EIF5B: variants seen among roughly 807,000 people sequenced by gnomAD.
EIF5B encodes the protein eukaryotic translation initiation factor 5B, also known as eIF-5B.
EIF5B carries 47 observed loss-of-function variants against 147.5 expected under a neutral mutation model. That is an observed-to-expected ratio of 0.32 (90% CI 0.25 to 0.41). The LOEUF (loss-of-function observed/expected upper bound fraction) is 0.41. EIF5B is among the 10% of genes least tolerant of loss of function. The pLI is 1.00. For missense variants in EIF5B, 1,064 were observed against 1,413.2 expected (o/e 0.75, Z 3.96); for synonymous variants, 455 against 456.2 (o/e 1.00, Z 0.03).
At chr2:99,340,974 G>T (rs766370681) in intron 1 of EIF5B, among the ~76,000 whole-genome samples, 4 of 152,082 alleles carry the variant, frequency 2.6e-5, no homozygotes, top group Non-Finnish European at 5.9e-5. Flanking sequence ...CATGTTGGCT[G>T]CCTGGTTTCA....
intron 1 of EIF5B, among the ~76,000 whole-genome samples, chr2:99,342,119 A>G (rs1340616088): frequency 6.6e-6 from 1 of 152,224 alleles, no homozygotes; most frequent in Admixed American, 6.5e-5. Flanking sequence ...CTGTTTGACC[A>G]TCGTTCATGT....
Position 99,401,030 on chromosome 2 carries a change from T to A in EIF5B, c.*1616T>A, listed in dbSNP as rs766615166. ...ACTTTATAAACAAACATTTTGTAAA[T>A]AGAATCTATGCTACAGTAAAATAAT... On this transcript the variant is annotated 3_prime_UTR_variant, in exon 24 of 24. Transcript: ENST00000289371. 3 of 352,468 alleles carry A rather than the reference T, an allele frequency of 8.5e-6. No homozygotes were observed. Among genetic ancestry groups the A allele is most frequent in the Middle Eastern group, 1.6e-3 (2 of 1,236 alleles). 21.8% of individuals were successfully genotyped at this position (352,468 alleles called of 1,614,324 possible). A position where few individuals can be genotyped will look rare whatever the true frequency, so the allele number is the denominator to read the frequency against.
chr2:99,373,193 C>T (rs997662931), intron 9 of EIF5B, among the ~76,000 whole-genome samples: 4 of 152,184 alleles, frequency 2.6e-5, no homozygotes, highest in Non-Finnish European at 5.9e-5. Flanking sequence ...ATCTTTATGA[C>T]TCTTTTTGTA....
chr2:99,358,440 C>G (rs1398522134), intron 1 of EIF5B, among the ~76,000 whole-genome samples: 1 of 152,172 alleles, frequency 6.6e-6, no homozygotes, highest in East Asian at 1.9e-4. Context: ...GGATTCAAAT[C>G]CCATATCTCC....
Position 99,361,847 on chromosome 2 carries a change from CA to C in EIF5B, c.919+31del. 2.0e-6 allele frequency: 3 copies of C among 1,491,756 alleles called. No homozygotes were observed. The Admixed American group carries it at 7.8e-5, about 39-fold the overall frequency. 92.4% of individuals were successfully genotyped at this position (1,491,756 alleles called of 1,614,324 possible). ...TTGGTTAATACTTTAGAGGAAAGAG[CA>C]AAAGGCTTTTGATTCACAGTATAAG... On this transcript the variant is annotated intron_variant, in intron 4 of 23. Transcript: ENST00000289371.
At position 99,390,292 on chromosome 2, in the gene EIF5B, A is replaced by C; in HGVS notation, c.2477A>C (p.His826Pro). ...TFVSLVPTSAHTGDGMGSLIY... is the reference protein window; with the variant it reads ...TFVSLVPTSAPTGDGMGSLIY... ...GTGTCTTTGGTACCTACCTCTGCAC[A>C]TACTGGTGATGGCATGGGAAGTCTG... The change falls in exon 16 of 24, where the codon CAT (histidine) becomes CCT (proline). Residue 826 changes from histidine (H) to proline (P), a missense_variant. Coordinates refer to ENST00000289371, the MANE Select transcript of EIF5B (RefSeq NM_015904.4). 6.2e-7 allele frequency: 1 copy of C among 1,614,128 alleles called. No individual in the cohort carries two copies. Among genetic ancestry groups the C allele is most frequent in the Non-Finnish European group, 8.5e-7 (1 of 1,180,000 alleles).
At chr2:99,338,955 C>CAT (rs1559240113) in intron 1 of EIF5B, among the ~76,000 whole-genome samples, 2 of 89,354 alleles carry the variant, frequency 2.2e-5, no homozygotes, top group African/African-American at 3.4e-5. Flanking sequence ...TATATACACA[C>CAT]ATATATATAA....
In EIF5B at chr2:99,362,849, T is replaced by TAC. The variant is rs1368386851; in HGVS notation, c.920-794_920-793dup. ...TCTCAGCTCACTGCAACCTCCTCTT[T>TAC]ACAGGTTCGAGTGATTCTCCTGTCT... On this transcript the variant is annotated intron_variant, in intron 4 of 23. Transcript: ENST00000289371. Among the ~76,000 whole-genome samples the TAC allele has an allele frequency of 3.9e-5, 6 of 151,922 alleles. No individual in the cohort carries two copies. The East Asian group carries it at 1.2e-3, about 30-fold the overall frequency.
intron 1 of EIF5B, among the ~76,000 whole-genome samples, chr2:99,353,100 C>T (rs189881110): frequency 6.9e-6 from 1 of 145,456 alleles, no homozygotes; most frequent in East Asian, 2.2e-4. Context: ...CTGCATCCTC[C>T]ACCTCCTGGG....
rs1675177083 is a variant in EIF5B at position 99,400,051 on chromosome 2, A to G, written c.*637A>G. 1 of 152,312 alleles carries G rather than the reference A, an allele frequency of 6.6e-6. No individual in the cohort carries two copies. The highest frequency in any genetic ancestry group is 6.5e-5 in the Admixed American group (1 of 15,292). The allele number at this position is 152,312 out of a possible 1,614,324, so 9.4% of individuals were successfully genotyped here. ...TCTAAACCAAACTACCAATAAAGAAAACAGACATCCACCAGTAAGCAAGCT... is the reference window on the plus strand; with the variant it reads ...TCTAAACCAAACTACCAATAAAGAAGACAGACATCCACCAGTAAGCAAGCT... On this transcript the variant is annotated 3_prime_UTR_variant, in exon 24 of 24. Transcript: ENST00000289371.
chr2:99,396,768 C>A lies in EIF5B; in HGVS notation c.3263C>A (p.Ala1088Glu). The change falls in exon 22 of 24, where the codon GCA becomes GAA. Residue 1088 changes from alanine (A) to glutamate (E), a missense_variant. Around this residue, in one of 4 missense-constraint regions of EIF5B, gnomAD observed 380 missense variants for 715.6 expected, o/e 0.53. Coordinates refer to ENST00000289371, the MANE Select transcript of EIF5B (RefSeq NM_015904.4). The part of the protein sequence containing the change: ...KQKQEEFKHI[A>E]VFPCKIKILP... ...TTCTTTTTTCCTTTCAGGCACATAGCAGTATTTCCCTGCAAGATAAAAATC... is the reference window on the plus strand; with the variant it reads ...TTCTTTTTTCCTTTCAGGCACATAGAAGTATTTCCCTGCAAGATAAAAATC... The A allele has an allele frequency of 6.2e-7, 1 of 1,606,986 alleles. No homozygotes were observed. The highest frequency in any genetic ancestry group is 8.5e-7 in the Non-Finnish European group (1 of 1,177,918).
intron 1 of EIF5B, among the ~76,000 whole-genome samples, chr2:99,354,730 G>A (rs1674056376): frequency 6.7e-6 from 1 of 150,184 alleles, no homozygotes; most frequent in Non-Finnish European, 1.5e-5. Context: ...TCCATTTGCT[G>A]TAGCACTGTT....
chr2:99,363,981 A>G (rs1010973444), intron 5 of EIF5B, 119 bp downstream of exon 5: 2 of 1,132,178 alleles, frequency 1.8e-6, no homozygotes, highest in Non-Finnish European at 1.2e-6. Context: ...ATTCAGTTAT[A>G]TTATTGTTCC....
Position 99,368,566 on chromosome 2 carries a change from A to G in EIF5B, c.1362A>G (p.Ile454Met), listed in dbSNP as rs199551427. The change falls in exon 7 of 24, where the codon ATA becomes ATG. Residue 454 changes from isoleucine (I) to methionine (M), a missense_variant. Transcript: ENST00000289371. ...ATGAAGATAAAAAGAGGAAAAAAAT[A>G]CCACAGCAGCTAGAAAGTAAAGAAG... ...PIYEDKKRKKIPQQLESKEVS... is the reference protein window; with the variant it reads ...PIYEDKKRKKMPQQLESKEVS... The G allele has an allele frequency of 5.0e-5, 81 of 1,613,638 alleles. No individual in the cohort carries two copies. The African/African-American group carries it at 9.2e-4, about 18-fold the overall frequency.
At chr2:99,399,249 C>A in intron 23 of EIF5B, 58 bp from the exon 24 acceptor site, 1 of 1,533,894 alleles carries the variant, frequency 6.5e-7, no homozygotes, top group Non-Finnish European at 9.0e-7. Context: ...GGGGCCACAG[C>A]TTTCTTTGGC....
chr2:99,365,121 T>C (rs1674300737), intron 6 of EIF5B, among the ~76,000 whole-genome samples: 1 of 152,240 alleles, frequency 6.6e-6, no homozygotes. Context: ...AATTTCCTGC[T>C]CCTATATTCC....
intron 1 of EIF5B, among the ~76,000 whole-genome samples, chr2:99,346,733 G>T (rs1467719303): frequency 6.7e-6 from 1 of 150,192 alleles, no homozygotes; most frequent in Non-Finnish European, 1.5e-5. Context: ...ACCACGCCCA[G>T]ATAATTTTTT....
At chr2:99,345,694 C>T (rs947334062) in intron 1 of EIF5B, among the ~76,000 whole-genome samples, 1 of 151,882 alleles carries the variant, frequency 6.6e-6, no homozygotes, top group African/African-American at 2.4e-5. Context: ...TCTGTAATCC[C>T]AGCACTTTGG....
rs1342194653 is a variant in EIF5B, at chr2:99,400,429, G to A, written c.*1015G>A. 1 of 152,200 alleles carries A rather than the reference G, an allele frequency of 6.6e-6. No individual in the cohort carries two copies. Among genetic ancestry groups the A allele is most frequent in the East Asian group, 1.9e-4 (1 of 5,196 alleles). 9.4% of individuals were successfully genotyped at this position (152,200 alleles called of 1,614,324 possible). ...TAGTTTTAGGGTTTTGCTGAAGTCA[G>A]TGTGGGGTGTTTGTTTGAGGAAAAA... On this transcript the variant is annotated 3_prime_UTR_variant, in exon 24 of 24. Coordinates refer to ENST00000289371, the MANE Select transcript of EIF5B (RefSeq NM_015904.4).
Sources: gnomAD v4.1 joint callset for allele counts (sites outside exome capture counted in the v4.1 genomes callset) on GRCh38, gnomAD v4.1.1 for gene constraint, gnomAD v4.1.1 regional missense constraint, MANE v1.5 for transcripts, NCBI Gene and HGNC (gene_info 2026-07-23, HGNC 2026-07-21) for gene names.